CAV2: variants seen among roughly 807,000 people sequenced by gnomAD.
CAV2 encodes the protein caveolin-2.
CAV2 carries 7 observed loss-of-function variants against 15.5 expected under a neutral mutation model. The ratio of observed to expected loss-of-function variants is 0.45; its 90% CI spans 0.26 to 0.85. CAV2 has a LOEUF of 0.85. Ranked by LOEUF, CAV2 falls within the 40% of genes least tolerant of loss-of-function variation. The pLI is 0.18. For synonymous variants in CAV2, 76 were observed against 83.1 expected, an observed-to-expected ratio of 0.91 and a Z score of 0.46; for missense variants, 229 against 208.8, an observed-to-expected ratio of 1.10 and a Z score of -0.60.
chr7:116,500,580 AGAACTGGAAGGCCTTGAAAG>A (rs1793080906), intron 2 of CAV2, 133 bp downstream of exon 2: 1 of 783,990 alleles, frequency 1.3e-6, no homozygotes, highest in East Asian at 2.6e-5. Flanking sequence ...AGCAGTAGGA[AGAACTGGAAGGCCTTGAAAG>A]GCAATGCGCT....
intron 2 of CAV2, among the ~76,000 whole-genome samples, chr7:116,504,032 G>A (rs1427184697): frequency 7.9e-4 from 47 of 59,278 alleles, no homozygotes; most frequent in South Asian, 2.0e-3. Context: ...GAAAGAAAGA[G>A]AAAGAAAAAG....
intron 2 of CAV2, among the ~76,000 whole-genome samples, chr7:116,502,244 C>T (rs1793121360): frequency 6.6e-6 from 1 of 152,188 alleles, no homozygotes; most frequent in Non-Finnish European, 1.5e-5. Flanking sequence ...ATGCCTCTCT[C>T]CAGCTGGCTC....
chr7:116,500,128 A>T, intron 1 of CAV2, 132 bp from the exon 2 acceptor site: 1 of 1,484,432 alleles, frequency 6.7e-7, no homozygotes, highest in Non-Finnish European at 8.9e-7. Flanking sequence ...CTGTGCGCCC[A>T]CCGTGACCCT....
chr7:116,499,965 CTGAGG>C (rs1236451804), intron 1 of CAV2, 34 bp downstream of exon 1: 4 of 1,602,538 alleles, frequency 2.5e-6, no homozygotes, highest in Non-Finnish European at 3.4e-6. Flanking sequence ...CAAGTCCCCG[CTGAGG>C]CCGGGAGGTG....
intron 2 of CAV2, 146 bp downstream of exon 2, chr7:116,500,593 C>G: frequency 1.4e-6 from 1 of 696,378 alleles, no homozygotes. Flanking sequence ...ACTGGAAGGC[C>G]TTGAAAGGCA....
rs1366718973 is a variant in CAV2 at position 116,506,562 on chromosome 7, C to G, written c.*441C>G. ...TAAATTACCTTTACATATATAGTCACTGGCATACTGAGAATATACAATGAT... is the reference window on the plus strand; with the variant it reads ...TAAATTACCTTTACATATATAGTCAGTGGCATACTGAGAATATACAATGAT... On this transcript the variant is annotated 3_prime_UTR_variant, in exon 3 of 3. Coordinates refer to ENST00000222693, the MANE Select transcript of CAV2 (RefSeq NM_001233.5). 2 of 153,824 alleles carry G rather than the reference C, an allele frequency of 1.3e-5. No individual in the cohort carries two copies. Among genetic ancestry groups the G allele is most frequent in the African/African-American group, 4.8e-5 (2 of 41,500 alleles). 9.5% of individuals were successfully genotyped at this position (153,824 alleles called of 1,614,324 possible). A position where few individuals can be genotyped will look rare whatever the true frequency, so the allele number is the denominator to read the frequency against.
rs868614080 is a variant in CAV2, at chr7:116,507,715, C to T, written c.*1594C>T. The T allele has an allele frequency of 1.8e-4, 27 of 151,644 alleles. No homozygotes were observed. Among genetic ancestry groups the T allele is most frequent in the African/African-American group, 6.5e-4 (27 of 41,274 alleles). The allele number at this position is 151,644 out of a possible 1,614,324, so 9.4% of individuals were successfully genotyped here. On this transcript the variant is annotated 3_prime_UTR_variant, in exon 3 of 3. Transcript: ENST00000222693. ...AGAAAAAAAGAAAAAAGAAAAATCT[C>T]ATTATTTCAAAATGATAGACATATA...
chr7:116,501,449 G>A (rs928493773), intron 2 of CAV2, among the ~76,000 whole-genome samples: 2 of 152,166 alleles, frequency 1.3e-5, no homozygotes, highest in Non-Finnish European at 2.9e-5. Context: ...TAAATACTCG[G>A]TGTTCATTGT....
chr7:116,505,731 G>A (rs759624098), intron 2 of CAV2, among the ~76,000 whole-genome samples: 8 of 152,122 alleles, frequency 5.3e-5, no homozygotes, highest in Non-Finnish European at 1.0e-4. Context: ...GGATCTACCC[G>A]CTGTGATCCA....
At chr7:116,500,513 C>G (rs1793078602) in intron 2 of CAV2, 66 bp downstream of exon 2, 5 of 1,475,668 alleles carry the variant, frequency 3.4e-6, no homozygotes, top group Non-Finnish European at 4.6e-6. Context: ...CCACCTGCCC[C>G]CTACTCTCCT....
chr7:116,500,725 C>G, intron 2 of CAV2: 2 of 383,490 alleles, frequency 5.2e-6, no homozygotes, highest in Non-Finnish European at 9.4e-6. Context: ...GAGGCGGGTA[C>G]CTGGAAGCCA....
rs565261830 is a variant in CAV2, at chr7:116,501,820, G to T, written c.338+1373G>T. Among the ~76,000 whole-genome samples the T allele has an allele frequency of 5.1e-4, 77 of 152,306 alleles. 2 individuals are homozygous for T. The South Asian group carries it at 0.015, about 29-fold the overall frequency. ...CACCAATTTAATTTTATCACTAAAG[G>T]TTGTAAACAATTAAACTATGTTGAA... On this transcript the variant is annotated intron_variant, in intron 2 of 2. Transcript: ENST00000222693.
chr7:116,500,100 G>A, intron 1 of CAV2, 160 bp from the exon 2 acceptor site: 2 of 1,468,520 alleles, frequency 1.4e-6, no homozygotes, highest in South Asian at 1.4e-5. Context: ...GCGTAGCCAG[G>A]AATTCTTAGC....
intron 2 of CAV2, among the ~76,000 whole-genome samples, chr7:116,503,599 T>G (rs1563085753): frequency 6.6e-6 from 1 of 151,924 alleles, no homozygotes. Flanking sequence ...GAGGCCAAGC[T>G]GGGCAGATCA....
Position 116,500,521 on chromosome 7 carries a change from C to T in CAV2, c.338+74C>T. ...TTCTCCGCCACCTGCCCCCTACTCT[C>T]CTCTTATCCCAGGCCGGCGTCAGGA... On this transcript the variant is annotated intron_variant, in intron 2 of 2. Transcript: ENST00000222693. 3.5e-6 allele frequency: 5 copies of T among 1,423,160 alleles called. No individual in the cohort carries two copies. The East Asian group carries it at 6.9e-5, about 20-fold the overall frequency. The allele number at this position is 1,423,160 out of a possible 1,614,324, so 88.2% of individuals were successfully genotyped here.
rs1209730600 is a variant in CAV2, at chr7:116,499,752, G to C, written c.-30G>C. On this transcript the variant is annotated 5_prime_UTR_variant, in exon 1 of 3. Transcript: ENST00000222693. ...GACCGGGAGCCGCACCGCGCCAGCC[G>C]GGCTGCAGCGGCCGCGCACCAAGGC... The C allele has an allele frequency of 3.3e-6, 5 of 1,500,444 alleles. No homozygotes were observed. The highest frequency in any genetic ancestry group is 2.3e-5 in the Admixed American group (1 of 43,796). 92.9% of individuals were successfully genotyped at this position (1,500,444 alleles called of 1,614,324 possible).
chr7:116,500,575 T>C, intron 2 of CAV2, 128 bp downstream of exon 2: 1 of 830,546 alleles, frequency 1.2e-6, no homozygotes, highest in East Asian at 2.5e-5. Flanking sequence ...TCCCAAGCAG[T>C]AGGAAGAACT....
At chr7:116,500,195 C>A in intron 1 of CAV2, 65 bp from the exon 2 acceptor site, 7 of 1,569,360 alleles carry the variant, frequency 4.5e-6, no homozygotes, top group Non-Finnish European at 6.0e-6. Context: ...CCGCCCAAAG[C>A]GCTCCCGGTT....
intron 2 of CAV2, among the ~76,000 whole-genome samples, chr7:116,504,024 A>G (rs1349324543): frequency 9.6e-6 from 1 of 103,662 alleles, no homozygotes; most frequent in Non-Finnish European, 2.0e-5. Flanking sequence ...GAAAGAAAGA[A>G]AGAAAGAGAA....
Sources: gnomAD v4.1 joint callset for allele counts (sites outside exome capture counted in the v4.1 genomes callset) on GRCh38, gnomAD v4.1.1 for gene constraint, MANE v1.5 for transcripts, NCBI Gene and HGNC (gene_info 2026-07-23, HGNC 2026-07-21) for gene names.